The following GAS2L1 variants were observed in gnomAD, a reference collection of about 807,000 sequenced individuals.
GAS2L1 encodes GAS2-like protein 1.
GAS2L1 carries 26 observed loss-of-function variants against 44.0 expected under a neutral mutation model. The observed-to-expected ratio is 0.59, with a 90% CI of 0.43 to 0.82. The LOEUF is 0.82. GAS2L1 is among the 40% of genes least tolerant of loss of function. The pLI, the probability that GAS2L1 is intolerant of heterozygous loss-of-function variation, is 0.00. For synonymous variants in GAS2L1, 426 were observed against 415.9 expected (o/e 1.02, Z -0.30); for missense variants, 1,006 against 983.0 (o/e 1.02, Z -0.31).
In GAS2L1 at chr22:29,312,124, C is replaced by CT; in HGVS notation, c.1674dup (p.Ala559CysfsTer46). 6.2e-7 allele frequency: 1 copy of CT among 1,612,890 alleles called. No individual in the cohort carries two copies. The highest frequency in any genetic ancestry group is 8.5e-7 in the Non-Finnish European group (1 of 1,179,700). ...GCCCCCGACCCTCCAGCTCCTGACT[C>CT]TGCCTATTGTTCCTCCAGTTCCTCC... is the stretch of plus-strand genomic sequence containing the variant. On this transcript the variant is annotated frameshift_variant, in exon 5 of 5. Transcript: ENST00000618518. LOFTEE classifies it high-confidence loss of function.
exon 5 of GAS2L1, chr22:29,312,705 C>A: frequency 2.4e-6 from 1 of 423,970 alleles, no homozygotes; most frequent in Non-Finnish European, 4.1e-6. Context: ...TTATTGAATG[C>A]CTTAGAGGAG....
At chr22:29,311,231 C>T (rs948601505) in intron 4 of GAS2L1, 1 of 589,812 alleles carries the variant, frequency 1.7e-6, no homozygotes, top group South Asian at 2.1e-5. Context: ...TCCTCTGGCC[C>T]GTCCTGGGAA....
chr22:29,310,710 G>A (rs765406906), exon 3 of GAS2L1: 6 of 1,609,756 alleles, frequency 3.7e-6, no homozygotes, highest in African/African-American at 2.7e-5. Context: ...GGACAAGCAC[G>A]ACCCGTGCCG....
intron 4 of GAS2L1, 165 bp downstream of exon 5, chr22:29,311,163 CCAA>C: frequency 3.1e-6 from 2 of 654,848 alleles, no homozygotes; most frequent in African/African-American, 3.6e-5. Context: ...CCCAACCAAA[CCAA>C]CAACACAGCT....
exon 1 of GAS2L1, chr22:29,307,952 G>A: frequency 5.6e-6 from 3 of 534,144 alleles, no homozygotes; most frequent in East Asian, 3.3e-5. Context: ...TTGGGGCACC[G>A]ACATTTCCCA....
chr22:29,311,500 G>A (rs1415246403), exon 5 of GAS2L1: 5 of 1,510,064 alleles, frequency 3.3e-6, no homozygotes, highest in Admixed American at 4.3e-5. Context: ...CGCTCCCGCC[G>A]CTACTCCGGG....
At chr22:29,311,719 C>G in exon 5 of GAS2L1, 1 of 1,531,276 alleles carries the variant, frequency 6.5e-7, no homozygotes, top group Non-Finnish European at 8.7e-7. Flanking sequence ...GGCAGGGGAG[C>G]CCAGCTGTCG....
At chr22:29,310,725 T>C in exon 3 of GAS2L1, 4 of 1,608,932 alleles carry the variant, frequency 2.5e-6, no homozygotes, top group Non-Finnish European at 3.4e-6. Context: ...GTGCCGCTGC[T>C]CCTCCACTGG....
chr22:29,307,043 C>T (rs2061355818), upstream of GAS2L1: 1 of 151,722 alleles, frequency 6.6e-6, no homozygotes, highest in South Asian at 2.1e-4. Flanking sequence ...AGGAGGAGGC[C>T]GCGGCGCGGG....
At chr22:29,308,325 C>A (rs1479761712) in exon 1 of GAS2L1, 8 of 1,605,574 alleles carry the variant, frequency 5.0e-6, no homozygotes, top group East Asian at 2.2e-5. Flanking sequence ...CGAGGCTGCC[C>A]GTGCATTGGC....
At chr22:29,310,607 G>C in intron 2 of GAS2L1, 31 bp from the exon 4 acceptor site, 1 of 1,593,956 alleles carries the variant, frequency 6.3e-7, no homozygotes, top group South Asian at 1.1e-5. Flanking sequence ...GGGGCGCCCG[G>C]GGCACAGCCG....
At chr22:29,307,276 A>T (rs2147892424) in exon 1 of GAS2L1, 1 of 152,110 alleles carries the variant, frequency 6.6e-6, no homozygotes, top group East Asian at 1.9e-4. Context: ...GCGGCCCCGC[A>T]CCCTCTCTGG....
Position 29,310,812 on chromosome 22 carries a change from CCT to C in GAS2L1, c.839-9_839-8del, listed in dbSNP as rs754764166. 1.5e-5 allele frequency: 24 copies of C among 1,607,342 alleles called. 1 individual carries two copies. The highest frequency in any genetic ancestry group is 9.9e-5 in the South Asian group (9 of 90,854). ...GCTCTGTCCCTCACATGCTGCCTGT[CCT>C]CTCTCCCCGCAGCTCATCGCCCACC... On this transcript the variant is annotated splice_polypyrimidine_tract_variant and intron_variant, in intron 3 of 4. Transcript: ENST00000618518.
exon 3 of GAS2L1, chr22:29,310,712 C>A: frequency 6.2e-7 from 1 of 1,609,740 alleles, no homozygotes. Flanking sequence ...ACAAGCACGA[C>A]CCGTGCCGCT....
At chr22:29,311,902 G>A (rs376278123) in exon 5 of GAS2L1, 5 of 1,601,484 alleles carry the variant, frequency 3.1e-6, no homozygotes, top group Non-Finnish European at 4.2e-6. Flanking sequence ...GCAGCACCCC[G>A]GCTTTCCCGG....
exon 5 of GAS2L1, chr22:29,311,706 G>A: frequency 6.5e-7 from 1 of 1,527,834 alleles, no homozygotes; most frequent in Non-Finnish European, 8.8e-7. Context: ...GGGGGCCCCA[G>A]GAGGCAGGGG....
At chr22:29,308,501 C>T (rs779045810) in exon 1 of GAS2L1, 31 of 1,608,984 alleles carry the variant, frequency 1.9e-5, no homozygotes, top group Non-Finnish European at 2.5e-5. Flanking sequence ...TGCGCAAGAA[C>T]GAGAAGAGCG....
At position 29,308,080 on chromosome 22, in the gene GAS2L1, C is replaced by A; in HGVS notation, c.-26C>A. The A allele has an allele frequency of 6.6e-7, 1 of 1,524,196 alleles. No individual in the cohort carries two copies. 94.4% of individuals were successfully genotyped at this position (1,524,196 alleles called of 1,614,324 possible). A position where few individuals can be genotyped will look rare whatever the true frequency, so the allele number is the denominator to read the frequency against. ...ACAGCGATCCTGAACTGTGTTCCTG[C>A]CCACAGTGACTCGGCCGGTCCGGGC... On this transcript the variant is annotated 5_prime_UTR_variant, in exon 1 of 5. Coordinates refer to ENST00000618518, the Ensembl canonical transcript of GAS2L1.
At chr22:29,310,605 C>G in intron 2 of GAS2L1, 33 bp from the exon 4 acceptor site, 1 of 1,591,844 alleles carries the variant, frequency 6.3e-7, no homozygotes, top group Non-Finnish European at 8.6e-7. Flanking sequence ...GCGGGGCGCC[C>G]GGGGCACAGC....
Sources: allele counts gnomAD v4.1 joint callset, GRCh38; gene constraint gnomAD v4.1.1; transcripts MANE v1.5; gene names NCBI Gene and HGNC (gene_info 2026-07-23, HGNC 2026-07-21).